Variants in ATP9A observed in about 807,000 individuals in gnomAD.
The protein encoded by ATP9A is ATPase phospholipid transporting 9A.
A neutral mutation model predicts 144.1 loss-of-function variants in ATP9A; 52 were observed. The observed-to-expected ratio is 0.36, with a 90% CI of 0.29 to 0.45. The LOEUF (loss-of-function observed/expected upper bound fraction) is 0.45, where lower values mean the gene tolerates loss of function less well. Among genes scored for constraint, ATP9A ranks in the 20% least tolerant of loss-of-function variants. ATP9A has a pLI of 1.00. For synonymous variants in ATP9A, 582 were observed against 557.4 expected, an observed-to-expected ratio of 1.04 and a Z score of -0.62; for missense variants, 947 against 1,392.7, an observed-to-expected ratio of 0.68 and a Z score of 5.09.
chr20:51,658,889 G>GGGGGGC lies in ATP9A; in HGVS notation c.1294-1740_1294-1739insGCCCCC, dbSNP rs1555833846. Reference sequence around the variant, plus strand: ...TATAATGAAAATTAAGACCACTGGCGGGGGGGGGGGGGGGAAGGCTCATTG... The same window carrying GGGGGGC: ...TATAATGAAAATTAAGACCACTGGCGGGGGGCGGGGGGGGGGGGGGAAGGCTCATTG... On this transcript the variant is annotated intron_variant, in intron 13 of 27. Coordinates refer to ENST00000338821, the MANE Select transcript of ATP9A (RefSeq NM_006045.3). Among the ~76,000 whole-genome samples, 20 of 30,978 alleles carry GGGGGGC rather than the reference G, an allele frequency of 6.5e-4. 2 individuals are homozygous for GGGGGGC. The highest frequency in any genetic ancestry group is 1.2e-3 in the Non-Finnish European group (17 of 14,362). 20.3% of individuals were successfully genotyped at this position (30,978 alleles called of 152,430 possible).
chr20:51,705,118 T>C (rs927377717), intron 4 of ATP9A, among the ~76,000 whole-genome samples: 1 of 152,254 alleles, frequency 6.6e-6, no homozygotes, highest in African/African-American at 2.4e-5. Flanking sequence ...TTTAGGAATA[T>C]AAAGTTTCAA....
chr20:51,758,331 C>T (rs1303704497), intron 1 of ATP9A, among the ~76,000 whole-genome samples: 1 of 152,134 alleles, frequency 6.6e-6, no homozygotes, highest in Non-Finnish European at 1.5e-5. Context: ...ACCAAAATCA[C>T]CACCTTCATG....
At chr20:51,683,602 G>C (rs1286721202) in intron 9 of ATP9A, among the ~76,000 whole-genome samples, 1 of 152,096 alleles carries the variant, frequency 6.6e-6, no homozygotes, top group East Asian at 1.9e-4. Flanking sequence ...TTTTTGTAGA[G>C]ATGGGTTTTC....
chr20:51,762,767 C>T (rs905349356), intron 1 of ATP9A, among the ~76,000 whole-genome samples: 12 of 135,366 alleles, frequency 8.9e-5, no homozygotes, highest in African/African-American at 2.3e-4. Context: ...TGGAGTGCAG[C>T]GGTATGATCA....
chr20:51,638,071 TTATATA>T (rs56043552), intron 15 of ATP9A, among the ~76,000 whole-genome samples: 707 of 33,896 alleles, frequency 0.021, 6 homozygotes, highest in Middle Eastern at 0.033. Context: ...TTTCATCATT[TTATATA>T]TATATATATA....
chr20:51,645,372 T>C (rs1279063559), intron 14 of ATP9A, among the ~76,000 whole-genome samples: 2 of 152,214 alleles, frequency 1.3e-5, no homozygotes, highest in Admixed American at 6.5e-5. Context: ...ATACAAAAAT[T>C]AGCAGAGCGT....
At chr20:51,730,325 G>A (rs533354362) in intron 1 of ATP9A, among the ~76,000 whole-genome samples, 35 of 152,182 alleles carry the variant, frequency 2.3e-4, no homozygotes, top group South Asian at 2.3e-3. Context: ...AAAATTAGCC[G>A]GGCGTGTTGG....
At chr20:51,758,206 T>C (rs769404569) in intron 1 of ATP9A, among the ~76,000 whole-genome samples, 1 of 152,204 alleles carries the variant, frequency 6.6e-6, no homozygotes, top group Non-Finnish European at 1.5e-5. Flanking sequence ...TTCATACATA[T>C]ATTAATCTTT....
chr20:51,683,383 G>A (rs2077508716), intron 9 of ATP9A, among the ~76,000 whole-genome samples: 1 of 152,022 alleles, frequency 6.6e-6, no homozygotes. Context: ...TCCTGCCTCA[G>A]CCTCCTGAGC....
intron 14 of ATP9A, among the ~76,000 whole-genome samples, chr20:51,642,242 C>T (rs1335899568): frequency 6.6e-6 from 1 of 151,894 alleles, no homozygotes; most frequent in Non-Finnish European, 1.5e-5. Flanking sequence ...GCAACCTCCA[C>T]CTCCCGGGTT....
intron 14 of ATP9A, among the ~76,000 whole-genome samples, chr20:51,642,716 ACT>A (rs2077324847): frequency 9.9e-6 from 1 of 100,690 alleles, no homozygotes; most frequent in Non-Finnish European, 1.8e-5. Context: ...ACTGAGTGAG[ACT>A]CTGTCTCCAA....
At chr20:51,730,660 C>T (rs1335753653) in intron 1 of ATP9A, among the ~76,000 whole-genome samples, 3 of 152,136 alleles carry the variant, frequency 2.0e-5, no homozygotes, top group Admixed American at 1.3e-4. Context: ...AATGGTACAG[C>T]CTATTATTCC....
In ATP9A at chr20:51,629,078, G is replaced by A. The variant is rs747047437; in HGVS notation, c.1669-6C>T. The A allele has an allele frequency of 6.2e-7, 1 of 1,609,438 alleles. No homozygotes were observed. The highest frequency in any genetic ancestry group is 8.5e-7 in the Non-Finnish European group (1 of 1,175,876). On this transcript the variant is annotated splice_region_variant and splice_polypyrimidine_tract_variant and intron_variant, in intron 15 of 27. Transcript: ENST00000338821. ...ATTTCTCCAGTTGATTCATCCTAGA[G>A]AGGGAGGCCGGAAGGAATGAGAAAC...
intron 14 of ATP9A, among the ~76,000 whole-genome samples, chr20:51,648,407 G>C (rs6063688): frequency 0.85 from 128,990 of 152,178 alleles, 54,761 homozygotes; most frequent in Non-Finnish European, 0.86. Flanking sequence ...GCAGAGAGAA[G>C]GTGGAAGGCA....
At chr20:51,670,667 C>T (rs182933919) in intron 12 of ATP9A, among the ~76,000 whole-genome samples, 18 of 152,312 alleles carry the variant, frequency 1.2e-4, no homozygotes, top group African/African-American at 4.1e-4. Flanking sequence ...GATCTTCCCC[C>T]TCCCAATCCT....
intron 3 of ATP9A, among the ~76,000 whole-genome samples, chr20:51,718,712 T>C (rs367944782): frequency 1.2e-3 from 169 of 145,306 alleles, no homozygotes; most frequent in African/African-American, 4.0e-3. Flanking sequence ...CTACTGGGGA[T>C]GTGGAGGCAG....
At chr20:51,696,406 T>G (rs1240353746) in intron 5 of ATP9A, among the ~76,000 whole-genome samples, 1 of 152,244 alleles carries the variant, frequency 6.6e-6, no homozygotes, top group African/African-American at 2.4e-5. Context: ...GCTTCTAGTT[T>G]TCTGGCACAT....
chr20:51,668,888 G>A (rs767505960), intron 13 of ATP9A, among the ~76,000 whole-genome samples: 2 of 152,174 alleles, frequency 1.3e-5, no homozygotes, highest in Non-Finnish European at 2.9e-5. Context: ...ACTGACAAAT[G>A]TTCCAGAAAA....
chr20:51,753,954 G>A (rs1010356198), intron 1 of ATP9A, among the ~76,000 whole-genome samples: 5 of 151,596 alleles, frequency 3.3e-5, no homozygotes, highest in African/African-American at 1.2e-4. Context: ...TTACAGGCAC[G>A]AGCCACCATG....
Sources: allele counts gnomAD v4.1 joint callset (sites outside exome capture counted in the v4.1 genomes callset), GRCh38; gene constraint gnomAD v4.1.1; transcripts MANE v1.5; gene names NCBI Gene and HGNC (gene_info 2026-07-23, HGNC 2026-07-21).